STON1: variants seen among roughly 807,000 people sequenced by gnomAD.
STON1 encodes the protein stonin 1, also known as stonin-1.
Under a neutral mutation model 60.9 loss-of-function variants are expected in STON1, and 79 were observed. That is an observed-to-expected ratio of 1.30 (90% CI 1.08 to 1.56). STON1 has a LOEUF of 1.56. Ranked by LOEUF, STON1 falls within the 40% of genes most tolerant of loss-of-function variation. The pLI is 0.00. For missense variants in STON1, 1,166 were observed against 858.9 expected (o/e 1.36, Z -4.47); for synonymous variants, 363 against 306.9 (o/e 1.18, Z -1.91).
Position 48,581,346 on chromosome 2 carries a change from C to A in STON1, c.713C>A (p.Ser238Ter). 1.3e-6 allele frequency: 2 copies of A among 1,547,728 alleles called. No homozygotes were observed. Among genetic ancestry groups the A allele is most frequent in the South Asian group, 1.3e-5 (1 of 78,048 alleles). ...YICEKLEHLQ[S>*]AENQDSLRSL... The stretch of plus-strand genomic sequence containing the variant: ...TGTGAGAAGCTTGAACATCTCCAGT[C>A]AGCTGAGAACCAAGACTCACTTAGA... Residue 238 changes from serine (S) to a stop codon, truncating the protein, a stop_gained, in exon 2 of 4, where the codon TCA becomes TAA. Transcript: ENST00000404752. LOFTEE classifies it high-confidence loss of function.
At position 48,581,230 on chromosome 2, in the gene STON1, C is replaced by G. The variant is rs759717012; in HGVS notation, c.597C>G (p.Asp199Glu). The G allele has an allele frequency of 4.6e-6, 7 of 1,518,640 alleles. No homozygotes were observed. The highest frequency in any genetic ancestry group is 2.8e-5 in the African/African-American group (2 of 71,744). The allele number at this position is 1,518,640 out of a possible 1,614,324, so 94.1% of individuals were successfully genotyped here. ...DEGSDSHFTL[D>E]PPGSKKMFSS... ...GCAGTGATTCCCATTTCACCCTTGA[C>G]CCACCAGGAAGCAAAAAGATGTTCT... Residue 199 changes from aspartate (D) to glutamate (E), a missense_variant, in exon 2 of 4, where the codon GAC becomes GAG. Transcript: ENST00000404752.
intron 1 of STON1, among the ~76,000 whole-genome samples, chr2:48,546,266 C>T (rs1333006104): frequency 1.3e-5 from 2 of 152,174 alleles, no homozygotes; most frequent in African/African-American, 4.8e-5. Flanking sequence ...ATGGCTTCTT[C>T]GACCTCACTT....
chr2:48,570,966 G>A lies in STON1; in HGVS notation c.-47-9621G>A, dbSNP rs184439643. ...CAACCTCCACCTCCTGGGCTCAAGCGATTCTCCTGCCTCAGCCTCCCGAGT... is the reference window on the plus strand; with the variant it reads ...CAACCTCCACCTCCTGGGCTCAAGCAATTCTCCTGCCTCAGCCTCCCGAGT... On this transcript the variant is annotated intron_variant, in intron 1 of 3. Coordinates refer to ENST00000404752, the MANE Select transcript of STON1 (RefSeq NM_006873.4). Among the ~76,000 whole-genome samples the A allele has an allele frequency of 8.1e-3, 1,198 of 148,034 alleles. 10 individuals are homozygous for A. The highest frequency in any genetic ancestry group is 0.014 in the Middle Eastern group (4 of 284).
intron 1 of STON1, among the ~76,000 whole-genome samples, chr2:48,572,021 G>T (rs896174421): frequency 1.3e-5 from 2 of 152,120 alleles, no homozygotes; most frequent in African/African-American, 4.8e-5. Flanking sequence ...AAATTAGCCT[G>T]GCATGGTGGT....
chr2:48,537,575 G>A (rs1671479749), intron 1 of STON1, among the ~76,000 whole-genome samples: 1 of 152,166 alleles, frequency 6.6e-6, no homozygotes, highest in Non-Finnish European at 1.5e-5. Flanking sequence ...CTGGCTGGGT[G>A]TGGTGGCTCA....
intron 1 of STON1, among the ~76,000 whole-genome samples, chr2:48,561,464 C>T (rs1203062210): frequency 1.3e-5 from 2 of 152,132 alleles, no homozygotes; most frequent in Non-Finnish European, 1.5e-5. Context: ...TCTGATTGTG[C>T]GAACCTCAGG....
rs182851136 is a variant in STON1, at chr2:48,587,953, G to A, written c.1931-3700G>A. On this transcript the variant is annotated intron_variant, in intron 2 of 3. Coordinates refer to ENST00000404752, the MANE Select transcript of STON1 (RefSeq NM_006873.4). ...ACAGGGCCCTGCCCCAAGCTTCTCC[G>A]TTGAGGGGGTAGGGAGGGCAATGCA... Among the ~76,000 whole-genome samples, 505 of 152,314 alleles carry A rather than the reference G, an allele frequency of 3.3e-3. 4 individuals are homozygous for A. Among genetic ancestry groups the A allele is most frequent in the African/African-American group, 0.011 (464 of 41,570 alleles).
chr2:48,540,895 C>A (rs1336783723), intron 1 of STON1, among the ~76,000 whole-genome samples: 1 of 152,120 alleles, frequency 6.6e-6, no homozygotes, highest in East Asian at 1.9e-4. Flanking sequence ...CACATTTGGT[C>A]ACAAGAAGTC....
chr2:48,593,185 G>A (rs1245282743), intron 3 of STON1, among the ~76,000 whole-genome samples: 1 of 151,826 alleles, frequency 6.6e-6, no homozygotes, highest in Non-Finnish European at 1.5e-5. Context: ...GCATGGTCTC[G>A]GCTCACTGCA....
intron 1 of STON1, among the ~76,000 whole-genome samples, chr2:48,579,315 CTT>C (rs34995168): frequency 6.8e-6 from 1 of 147,168 alleles, no homozygotes. Flanking sequence ...CTCTTTCTTC[CTT>C]TTTTTTTTTG....
chr2:48,591,685 T>C lies in STON1; in HGVS notation c.1963T>C (p.Leu655=), dbSNP rs765739933. The change falls in exon 3 of 4, where the codon TTA becomes CTA. Residue 655 remains leucine, a synonymous_variant. Transcript: ENST00000404752. The part of the protein sequence containing the change: ...LDHPHCLSYK[L]ELGSDQEIPS... Reference sequence around the variant, plus strand: ...TCATCCCCATTGTCTGTCATACAAATTAGAGCTTGGATCAGACCAAGAAAT... The same window carrying C: ...TCATCCCCATTGTCTGTCATACAAACTAGAGCTTGGATCAGACCAAGAAAT... 1 of 1,614,140 alleles carries C rather than the reference T, an allele frequency of 6.2e-7. No homozygotes were observed. Among genetic ancestry groups the C allele is most frequent in the South Asian group, 1.1e-5 (1 of 91,072 alleles).
At chr2:48,554,282 C>T (rs1298910092) in intron 1 of STON1, among the ~76,000 whole-genome samples, 2 of 152,138 alleles carry the variant, frequency 1.3e-5, no homozygotes. Context: ...AGGGCAATGA[C>T]ACAATCTCGG....
chr2:48,546,591 T>C (rs560860421), intron 1 of STON1, among the ~76,000 whole-genome samples: 1 of 152,382 alleles, frequency 6.6e-6, no homozygotes, highest in East Asian at 1.9e-4. Context: ...CTTTGTCACA[T>C]GAACAAAGTA....
At chr2:48,574,727 G>T (rs1673382358) in intron 1 of STON1, among the ~76,000 whole-genome samples, 1 of 152,140 alleles carries the variant, frequency 6.6e-6, no homozygotes, top group South Asian at 2.1e-4. Flanking sequence ...TGGGTTATAA[G>T]TTCATTATAA....
chr2:48,558,723 T>C (rs1023358555), intron 1 of STON1, among the ~76,000 whole-genome samples: 1 of 152,224 alleles, frequency 6.6e-6, no homozygotes, highest in African/African-American at 2.4e-5. Flanking sequence ...CCTATGTCTT[T>C]ACTCAAGCAG....
intron 1 of STON1, among the ~76,000 whole-genome samples, chr2:48,537,863 G>GA (rs1201022900): frequency 3.4e-4 from 46 of 137,262 alleles, no homozygotes; most frequent in East Asian, 1.9e-3. Context: ...AAAAAAAAAA[G>GA]AAAAAAAAAG....
intron 1 of STON1, among the ~76,000 whole-genome samples, chr2:48,536,588 C>T (rs1572921203): frequency 6.7e-6 from 1 of 148,856 alleles, no homozygotes. Context: ...ATAGTACCTG[C>T]TATATAAGGA....
At chr2:48,571,999 C>G (rs1673233096) in intron 1 of STON1, among the ~76,000 whole-genome samples, 1 of 152,108 alleles carries the variant, frequency 6.6e-6, no homozygotes, top group East Asian at 1.9e-4. Flanking sequence ...CCTGTCTCTA[C>G]TAAAAATACA....
chr2:48,552,354 T>G (rs1672140191), intron 1 of STON1, among the ~76,000 whole-genome samples: 2 of 152,104 alleles, frequency 1.3e-5, no homozygotes, highest in Non-Finnish European at 2.9e-5. Flanking sequence ...AGAAGATGAA[T>G]GAGGACTAAG....
Sources: allele counts gnomAD v4.1 joint callset (sites outside exome capture counted in the v4.1 genomes callset), GRCh38; gene constraint gnomAD v4.1.1; transcripts MANE v1.5; gene names NCBI Gene and HGNC (gene_info 2026-07-23, HGNC 2026-07-21).